ZNF483: variants seen among roughly 807,000 people sequenced by gnomAD.
ZNF483 encodes the protein zinc finger protein 483.
In ZNF483, 9 loss-of-function variants were observed where a neutral mutation model predicts 28.6. The ratio of observed to expected loss-of-function variants is 0.32; its 90% CI spans 0.19 to 0.55. The LOEUF is 0.55. Among genes scored for constraint, ZNF483 ranks in the 20% least tolerant of loss-of-function variants. The probability of loss-of-function intolerance (pLI) is 0.93; values close to 1 mark genes in which losing one functional copy is unlikely to be tolerated. For synonymous variants in ZNF483, 322 were observed against 306.2 expected (o/e 1.05, Z -0.54); for missense variants, 675 against 871.7 (o/e 0.77, Z 2.84).
rs923791201 is a variant in ZNF483 at position 111,549,740 on chromosome 9, T to C, written c.*6570T>C. On this transcript the variant is annotated 3_prime_UTR_variant, in exon 6 of 6. Coordinates refer to ENST00000309235, the MANE Select transcript of ZNF483 (RefSeq NM_133464.5). The stretch of plus-strand genomic sequence containing the variant: ...TGCCTTCTAAGGTAATGGTGAATGA[T>C]ACATATTCCCTTCATTTTTCTGCTT... 6.4e-7 allele frequency: 1 copy of C among 1,550,852 alleles called. No homozygotes were observed.
At position 111,533,834 on chromosome 9, in the gene ZNF483, A is replaced by C. The variant is rs752540474; in HGVS notation, c.597A>C (p.Leu199=). The stretch of plus-strand genomic sequence containing the variant: ...AAAAGGAGCTATATAAGGAAGTGCT[A>C]CTGGAAAACCTCAGGAACCTAGAAT... ...PFQKELYKEV[L]LENLRNLEFL... is the part of the protein sequence containing the mutation. Residue 199 remains leucine, a synonymous_variant, in exon 4 of 6, where the codon CTA becomes CTC. Coordinates refer to ENST00000309235, the MANE Select transcript of ZNF483 (RefSeq NM_133464.5). The C allele has an allele frequency of 8.2e-6, 13 of 1,592,834 alleles. No individual in the cohort carries two copies. The South Asian group carries it at 1.2e-4, about 14-fold the overall frequency.
At chr9:111,529,426 C>G (rs1340345754) in intron 2 of ZNF483, among the ~76,000 whole-genome samples, 1 of 152,194 alleles carries the variant, frequency 6.6e-6, no homozygotes, top group East Asian at 1.9e-4. Flanking sequence ...ATGGGCCAAT[C>G]TGAAGGTACT....
Position 111,543,179 on chromosome 9 carries a change from C to T in ZNF483, c.*9C>T, listed in dbSNP as rs778567821. The T allele has an allele frequency of 6.3e-7, 1 of 1,583,776 alleles. No homozygotes were observed. Reference sequence around the variant, plus strand: ...TTCACTCTGCAGAGTAATCCTGGAACTACATTAAAGTGGGGGGAATTTAAT... The same window carrying T: ...TTCACTCTGCAGAGTAATCCTGGAATTACATTAAAGTGGGGGGAATTTAAT... On this transcript the variant is annotated 3_prime_UTR_variant, in exon 6 of 6. Coordinates refer to ENST00000309235, the MANE Select transcript of ZNF483 (RefSeq NM_133464.5).
chr9:111,569,015 G>C (rs1373307966), intron 5 of ZNF483, among the ~76,000 whole-genome samples: 1 of 152,246 alleles, frequency 6.6e-6, no homozygotes, highest in East Asian at 1.9e-4. Context: ...GAAACTAGAA[G>C]TATAGAATTG....
rs1302224031 is a variant in ZNF483 at position 111,554,326 on chromosome 9, G to T, written c.*11156G>T. ...TCTTAGAAGTCACTTCTACTCTTCC[G>T]TTGCCCAGAGATCAATCATATAACC... On this transcript the variant is annotated 3_prime_UTR_variant, in exon 6 of 6. Transcript: ENST00000309235. 2.6e-5 allele frequency among the ~76,000 whole-genome samples: 4 copies of T among 152,118 alleles called. No homozygotes were observed. The highest frequency in any genetic ancestry group is 4.8e-5 in the African/African-American group (2 of 41,420).
intron 5 of ZNF483, among the ~76,000 whole-genome samples, chr9:111,560,487 A>AG (rs1828243287): frequency 6.7e-6 from 1 of 148,652 alleles, no homozygotes. Context: ...AAAAAAAAAA[A>AG]AAGATCAGCC....
chr9:111,536,646 T>C (rs1827510235), intron 5 of ZNF483, among the ~76,000 whole-genome samples: 2 of 152,204 alleles, frequency 1.3e-5, no homozygotes, highest in African/African-American at 4.8e-5. Context: ...AGTCAACTTA[T>C]TGGCTGTTTC....
intron 4 of ZNF483, among the ~76,000 whole-genome samples, 194 bp downstream of exon 4, chr9:111,534,059 T>C (rs902829024): frequency 7.9e-5 from 12 of 152,236 alleles, no homozygotes; most frequent in Admixed American, 7.2e-4. Flanking sequence ...CTTTGCTTCA[T>C]TGAATTGGAA....
At chr9:111,539,634 A>C (rs767262916) in intron 5 of ZNF483, 38 of 292,604 alleles carry the variant, frequency 1.3e-4, no homozygotes, top group Middle Eastern at 1.3e-3. Context: ...GTGGTGGTAC[A>C]TGCCTGTAAT....
intron 5 of ZNF483, among the ~76,000 whole-genome samples, chr9:111,571,996 C>T (rs891291272): frequency 2.4e-4 from 37 of 152,152 alleles, no homozygotes; most frequent in African/African-American, 8.7e-4. Flanking sequence ...TCCTAATTGA[C>T]TAGAAACTGA....
Position 111,546,267 on chromosome 9 carries a change from C to A in ZNF483, c.*3097C>A, listed in dbSNP as rs1373874070. 6.6e-6 allele frequency among the ~76,000 whole-genome samples: 1 copy of A among 151,986 alleles called. No individual in the cohort carries two copies. Among genetic ancestry groups the A allele is most frequent in the African/African-American group, 2.4e-5 (1 of 41,386 alleles). Reference sequence around the variant, plus strand: ...AGTTTGCTGATACTGTGTTGTAGTCCTTTTTATTCTGGATATAAGTCCTTT... The same window carrying A: ...AGTTTGCTGATACTGTGTTGTAGTCATTTTTATTCTGGATATAAGTCCTTT... On this transcript the variant is annotated 3_prime_UTR_variant, in exon 6 of 6. Coordinates refer to ENST00000309235, the MANE Select transcript of ZNF483 (RefSeq NM_133464.5).
chr9:111,578,136 A>G (rs370419334), downstream of ZNF483, among the ~76,000 whole-genome samples: 2 of 152,188 alleles, frequency 1.3e-5, no homozygotes, highest in African/African-American at 4.8e-5. Context: ...TTTTTAAAAA[A>G]GGCATATATA....
Position 111,560,964 on chromosome 9 carries a change from T to G in ZNF483, c.722-15401T>G, listed in dbSNP as rs1589288684. On this transcript the variant is annotated intron_variant, in intron 5 of 5. Coordinates refer to the ZNF483 transcript ENST00000358151. Reference sequence around the variant, plus strand: ...TCTAAAATATATATATATATATATATATATATATATAGAGAGAGAGAGAGA... The same window carrying G: ...TCTAAAATATATATATATATATATAGATATATATATAGAGAGAGAGAGAGA... Among the ~76,000 whole-genome samples the G allele has an allele frequency of 4.1e-5, 2 of 48,506 alleles. 1 individual carries two copies. The allele number at this position is 48,506 out of a possible 152,430, so 31.8% of individuals were successfully genotyped here.
chr9:111,561,110 T>TATATATATATAG (rs1457364862), intron 5 of ZNF483, among the ~76,000 whole-genome samples: 19 of 19,190 alleles, frequency 9.9e-4, no homozygotes, highest in Non-Finnish European at 1.5e-3. Context: ...TATATATATA[T>TATATATATATAG]AGAGAGAGAG....
Position 111,551,653 on chromosome 9 carries a change from C to T in ZNF483, c.*8483C>T, listed in dbSNP as rs1444306254. Among the ~76,000 whole-genome samples the T allele has an allele frequency of 2.0e-5, 3 of 152,062 alleles. No individual in the cohort carries two copies. Among genetic ancestry groups the T allele is most frequent in the South Asian group, 2.1e-4 (1 of 4,830 alleles). ...CTAAGCCCAGGCAATCTGCCTGTCT[C>T]GGCCTCCCAAAGTGCCGGGATTACA... is the stretch of plus-strand genomic sequence containing the variant. On this transcript the variant is annotated 3_prime_UTR_variant, in exon 6 of 6. Coordinates refer to ENST00000309235, the MANE Select transcript of ZNF483 (RefSeq NM_133464.5).
downstream of ZNF483, among the ~76,000 whole-genome samples, chr9:111,558,425 C>G (rs896125548): frequency 4.6e-5 from 7 of 152,084 alleles, no homozygotes; most frequent in African/African-American, 9.7e-5. Flanking sequence ...TGCCTGTTGT[C>G]TCAGCTAGTT....
In ZNF483 at chr9:111,543,280, C is replaced by A. The variant is rs1827717214; in HGVS notation, c.*110C>A. The A allele has an allele frequency of 5.5e-6, 8 of 1,447,664 alleles. No homozygotes were observed. Among genetic ancestry groups the A allele is most frequent in the Middle Eastern group, 1.9e-4 (1 of 5,398 alleles). 89.7% of individuals were successfully genotyped at this position (1,447,664 alleles called of 1,614,324 possible). A position where few individuals can be genotyped will look rare whatever the true frequency, so the allele number is the denominator to read the frequency against. On this transcript the variant is annotated 3_prime_UTR_variant, in exon 6 of 6. Coordinates refer to ENST00000309235, the MANE Select transcript of ZNF483 (RefSeq NM_133464.5). ...AGTAGCTGCAGCTTTCGTAAATTGG[C>A]AGTTAGGAAAAATATCCTTTTGCCC...
rs187919941 is a variant in ZNF483 at position 111,567,291 on chromosome 9, G to A, written c.722-9074G>A. Among the ~76,000 whole-genome samples, 4 of 152,216 alleles carry A rather than the reference G, an allele frequency of 2.6e-5. No individual in the cohort carries two copies. In the East Asian group the frequency reaches 5.8e-4, roughly 22 times the overall value. On this transcript the variant is annotated intron_variant, in intron 5 of 5. Coordinates refer to the ZNF483 transcript ENST00000358151. ...CAACCTCCGCCTCCCAGGTTCAAGCGATTCTCCTGCCTCAGCCTCCCAAGT... is the reference window on the plus strand; with the variant it reads ...CAACCTCCGCCTCCCAGGTTCAAGCAATTCTCCTGCCTCAGCCTCCCAAGT...
chr9:111,529,464 T>A (rs774070107), intron 2 of ZNF483, among the ~76,000 whole-genome samples: 3 of 152,234 alleles, frequency 2.0e-5, no homozygotes, highest in Non-Finnish European at 4.4e-5. Flanking sequence ...ATGAGTTTAT[T>A]AGATGCCTCT....
Sources: allele counts gnomAD v4.1 joint callset (sites outside exome capture counted in the v4.1 genomes callset), GRCh38; gene constraint gnomAD v4.1.1; transcripts MANE v1.5; gene names NCBI Gene and HGNC (gene_info 2026-07-23, HGNC 2026-07-21).